CDH13: variants seen among roughly 807,000 people sequenced by gnomAD.
CDH13 encodes the protein cadherin 13, also known as cadherin-13.
A neutral mutation model predicts 63.8 loss-of-function variants in CDH13; 24 were observed. The observed-to-expected ratio is 0.38, with a 90% CI of 0.27 to 0.53. CDH13 has a LOEUF of 0.53. CDH13 is among the 20% of genes least tolerant of loss of function. The probability of loss-of-function intolerance (pLI) is 0.85; values close to 1 mark genes in which losing one functional copy is unlikely to be tolerated. For missense variants in CDH13, 1,049 were observed against 903.1 expected (o/e 1.16, Z -2.07); for synonymous variants, 503 against 355.3 (o/e 1.42, Z -4.67).
At chr16:82,705,152 G>A in intron 1 of CDH13, 1 of 455,944 alleles carries the variant, frequency 2.2e-6, no homozygotes, top group Non-Finnish European at 4.4e-6. Flanking sequence ...TGACCACAAA[G>A]GCAAAAGGAT....
chr16:83,746,997 C>G (rs371838370), intron 10 of CDH13, among the ~76,000 whole-genome samples: 2 of 152,214 alleles, frequency 1.3e-5, no homozygotes, highest in South Asian at 4.1e-4. Flanking sequence ...ATTGTCTAAT[C>G]TGTTTCTCAA....
intron 4 of CDH13, among the ~76,000 whole-genome samples, chr16:83,140,894 A>AT (rs960833733): frequency 5.3e-5 from 8 of 152,110 alleles, no homozygotes; most frequent in South Asian, 2.1e-4. Flanking sequence ...CCAGCAATGT[A>AT]TTTTTTTCCC....
chr16:83,312,466 G>A (rs1376406016), intron 5 of CDH13, among the ~76,000 whole-genome samples: 1 of 152,194 alleles, frequency 6.6e-6, no homozygotes, highest in African/African-American at 2.4e-5. Flanking sequence ...AATGGAATAA[G>A]TCCTCTCCAA....
intron 2 of CDH13, among the ~76,000 whole-genome samples, chr16:82,950,532 C>T (rs556317561): frequency 2.1e-4 from 32 of 152,108 alleles, no homozygotes; most frequent in Non-Finnish European, 4.1e-4. Context: ...TCTCCCTATT[C>T]GCTTGGTTCT....
intron 7 of CDH13, among the ~76,000 whole-genome samples, chr16:83,506,906 T>G (rs1233214460): frequency 1.3e-5 from 2 of 152,228 alleles, no homozygotes; most frequent in East Asian, 3.8e-4. Flanking sequence ...TTTAGATAAC[T>G]GTAGCCTCAC....
intron 1 of CDH13, among the ~76,000 whole-genome samples, chr16:82,810,199 G>A (rs1221730214): frequency 6.6e-6 from 1 of 152,146 alleles, no homozygotes; most frequent in African/African-American, 2.4e-5. Flanking sequence ...GAATCTGTAG[G>A]CAAAAACGTA....
chr16:82,985,252 C>A (rs751591485), intron 2 of CDH13, among the ~76,000 whole-genome samples: 5 of 152,108 alleles, frequency 3.3e-5, no homozygotes, highest in African/African-American at 4.8e-5. Context: ...AGGAGAACTT[C>A]TTTTGAATCT....
At position 83,629,636 on chromosome 16, in the gene CDH13, G is replaced by C. The variant is rs575598218; in HGVS notation, c.1101+27042G>C. On this transcript the variant is annotated intron_variant, in intron 8 of 13. Coordinates refer to ENST00000567109, the MANE Select transcript of CDH13 (RefSeq NM_001257.5). Reference sequence around the variant, plus strand: ...TTGGTTTCCCATTTTCTTTGCCTTAGAAAAAAAATTACACTCCCTCATTTA... The same window carrying C: ...TTGGTTTCCCATTTTCTTTGCCTTACAAAAAAAATTACACTCCCTCATTTA... Among the ~76,000 whole-genome samples the C allele has an allele frequency of 3.9e-5, 6 of 152,046 alleles. No individual in the cohort carries two copies. In the South Asian group the frequency reaches 1.2e-3, roughly 32 times the overall value.
At chr16:83,006,934 T>TTGTTTGTTTG (rs201363850) in intron 2 of CDH13, among the ~76,000 whole-genome samples, 9 of 150,584 alleles carry the variant, frequency 6.0e-5, no homozygotes, top group African/African-American at 1.5e-4. Context: ...GTTTGTTTGT[T>TTGTTTGTTTG]TTTTTTGAGA....
chr16:83,731,873 G>T (rs945775594), intron 10 of CDH13, among the ~76,000 whole-genome samples: 1 of 152,182 alleles, frequency 6.6e-6, no homozygotes, highest in African/African-American at 2.4e-5. Flanking sequence ...CTAGCTCAAA[G>T]GTTTGTGGAA....
intron 2 of CDH13, among the ~76,000 whole-genome samples, chr16:82,865,436 C>A (rs1241911954): frequency 6.6e-6 from 1 of 152,238 alleles, no homozygotes; most frequent in African/African-American, 2.4e-5. Flanking sequence ...TCCCACACCT[C>A]AATTCTTGAC....
intron 9 of CDH13, among the ~76,000 whole-genome samples, chr16:83,671,687 TAGTG>T (rs772981595): frequency 5.3e-5 from 8 of 152,220 alleles, no homozygotes; most frequent in Non-Finnish European, 1.2e-4. Flanking sequence ...TAATCTTCCT[TAGTG>T]AGCTCAATTA....
At chr16:83,551,054 T>TTG (rs1412905731) in intron 7 of CDH13, among the ~76,000 whole-genome samples, 2 of 11,288 alleles carry the variant, frequency 1.8e-4, no homozygotes, top group Admixed American at 1.2e-3. Flanking sequence ...CTTAAGTCAT[T>TTG]TATATCTATC....
chr16:83,621,211 G>A (rs1909780216), intron 8 of CDH13, among the ~76,000 whole-genome samples: 1 of 152,162 alleles, frequency 6.6e-6, no homozygotes, highest in Admixed American at 6.5e-5. Flanking sequence ...CCAGTCCAGT[G>A]CCAGTAGAGC....
At chr16:82,901,354 G>GTGTT (rs2041463166) in intron 2 of CDH13, among the ~76,000 whole-genome samples, 1 of 150,100 alleles carries the variant, frequency 6.7e-6, no homozygotes, top group Non-Finnish European at 1.5e-5. Flanking sequence ...GTGTGTGTGT[G>GTGTT]TGTGTGTGTG....
chr16:83,052,435 C>G (rs2030442032), intron 3 of CDH13, among the ~76,000 whole-genome samples: 1 of 152,152 alleles, frequency 6.6e-6, no homozygotes, highest in Admixed American at 6.5e-5. Context: ...TATGTTATGA[C>G]AAACTATACA....
intron 2 of CDH13, among the ~76,000 whole-genome samples, chr16:82,862,707 C>T (rs774688139): frequency 1.3e-5 from 2 of 152,232 alleles, no homozygotes; most frequent in Middle Eastern, 3.2e-3. Flanking sequence ...AAAGAACCTG[C>T]ATTAACAAGA....
At chr16:82,981,753 C>T (rs1910292639) in intron 2 of CDH13, among the ~76,000 whole-genome samples, 1 of 152,202 alleles carries the variant, frequency 6.6e-6, no homozygotes, top group African/African-American at 2.4e-5. Flanking sequence ...TCACATTCAG[C>T]CTTTGCTGCA....
rs139416843 is a variant in CDH13, at chr16:82,951,053, G to C, written c.158-80957G>C. Among the ~76,000 whole-genome samples the C allele has an allele frequency of 8.1e-3, 1,226 of 152,218 alleles. 24 individuals are homozygous for C. Among genetic ancestry groups the C allele is most frequent in the African/African-American group, 0.028 (1,146 of 41,544 alleles). On this transcript the variant is annotated intron_variant, in intron 2 of 13. Coordinates refer to ENST00000567109, the MANE Select transcript of CDH13 (RefSeq NM_001257.5). ...CGAGAAGAATTTTATTGGTCCAGTT[G>C]AGCCCAGATACCTTCCCTTGGCTCA...
Sources: gnomAD v4.1 joint callset for allele counts (sites outside exome capture counted in the v4.1 genomes callset) on GRCh38, gnomAD v4.1.1 for gene constraint, MANE v1.5 for transcripts, NCBI Gene and HGNC (gene_info 2026-07-23, HGNC 2026-07-21) for gene names.